Variants in CA5A observed in about 807,000 individuals in gnomAD.
CA5A encodes the protein carbonic anhydrase 5A, mitochondrial.
In CA5A, 28 loss-of-function variants were observed where a neutral mutation model predicts 37.1. The ratio of observed to expected loss-of-function variants is 0.75; its 90% CI spans 0.56 to 1.03. The LOEUF is 1.03. CA5A is among the 50% of genes least tolerant of loss of function. The pLI is 0.00. For synonymous variants in CA5A, 171 were observed against 158.4 expected (o/e 1.08, Z -0.60); for missense variants, 444 against 399.9 (o/e 1.11, Z -0.94).
chr16:87,887,815 C>T, downstream of CA5A: 1 of 243,276 alleles, frequency 4.1e-6, no homozygotes, highest in Admixed American at 5.0e-5. Flanking sequence ...TGTCGGGCTT[C>T]TGGCTCACTG....
intron 5 of CA5A, among the ~76,000 whole-genome samples, chr16:87,898,984 C>G (rs564056493): frequency 5.3e-5 from 8 of 152,084 alleles, no homozygotes; most frequent in Admixed American, 2.0e-4. Flanking sequence ...ATCTATTCAC[C>G]TCAGTCTCCC....
intron 2 of CA5A, chr16:87,924,035 C>T: frequency 1.0e-6 from 1 of 985,356 alleles, no homozygotes; most frequent in South Asian, 4.7e-5. Flanking sequence ...TGGAACAGAC[C>T]AACAAGGGGA....
At chr16:87,928,428 G>T (rs1021765329) in intron 1 of CA5A, among the ~76,000 whole-genome samples, 2 of 152,130 alleles carry the variant, frequency 1.3e-5, no homozygotes, top group African/African-American at 4.8e-5. Context: ...CCAAAGTGAG[G>T]CAGGCATCTC....
chr16:87,891,883 G>T lies in CA5A; in HGVS notation c.690C>A (p.Tyr230Ter). ...GCGGCGGGGTGGTGAGCGAGCCCGC[G>T]TAGGTCCAGTAATCCCAGCAGGTGG... ...LLPTCWDYWT[Y>*]AGSLTTPPLT... Residue 230 changes from tyrosine to a stop codon, truncating the protein, a stop_gained, in exon 6 of 7, where the codon TAC (tyrosine) becomes TAA (stop). Coordinates refer to ENST00000649794, the MANE Select transcript of CA5A (RefSeq NM_001739.2). LOFTEE classifies it high-confidence loss of function. 6.4e-7 allele frequency: 1 copy of T among 1,574,164 alleles called. No individual in the cohort carries two copies. Among genetic ancestry groups the T allele is most frequent in the Non-Finnish European group, 8.6e-7 (1 of 1,161,566 alleles).
chr16:87,924,136 T>C (rs1443180496), intron 2 of CA5A: 8 of 985,266 alleles, frequency 8.1e-6, no homozygotes, highest in Non-Finnish European at 9.6e-6. Context: ...CAAGATCTGG[T>C]TGTCCCACTT....
chr16:87,888,783 C>G (rs2055673484), intron 6 of CA5A, among the ~76,000 whole-genome samples: 2 of 152,222 alleles, frequency 1.3e-5, no homozygotes, highest in African/African-American at 4.8e-5. Context: ...CAGTGTTTCG[C>G]TCTTGTTTCC....
intron 5 of CA5A, among the ~76,000 whole-genome samples, chr16:87,900,027 G>A (rs994071561): frequency 6.0e-5 from 9 of 151,064 alleles, no homozygotes; most frequent in Admixed American, 6.6e-5. Context: ...AGTCCGCGGT[G>A]GCACTTCCTC....
intron 3 of CA5A, among the ~76,000 whole-genome samples, chr16:87,903,662 C>A (rs1446561140): frequency 6.6e-6 from 1 of 152,136 alleles, no homozygotes; most frequent in East Asian, 1.9e-4. Flanking sequence ...AGATTACAAG[C>A]AATTTTCATT....
chr16:87,935,413 G>A (rs193240949), intron 1 of CA5A, among the ~76,000 whole-genome samples: 48 of 152,306 alleles, frequency 3.2e-4, no homozygotes, highest in Admixed American at 1.2e-3. Context: ...GAAGAGTTTA[G>A]GAGCGATCGT....
chr16:87,921,598 G>C (rs1418705017), intron 2 of CA5A, among the ~76,000 whole-genome samples: 1 of 152,192 alleles, frequency 6.6e-6, no homozygotes, highest in African/African-American at 2.4e-5. Context: ...GCCACGCCCA[G>C]GTCCCCACCC....
chr16:87,888,348 A>G, intron 6 of CA5A, 76 bp from the exon 7 acceptor site: 1 of 1,321,348 alleles, frequency 7.6e-7, no homozygotes, highest in Non-Finnish European at 1.1e-6. Flanking sequence ...CTCAGGCCTT[A>G]TGTGGTCCCC....
chr16:87,904,823 G>C lies in CA5A; in HGVS notation c.422C>G (p.Ser141Ter). ...FHWGAVNEGGSEHTVDGHAYP... is the reference protein window; with the variant it reads ...FHWGAVNEGG ...CGCGTGGCCGTCCACTGTGTGCTCT[G>C]AGCCCCCCTCGTTCACTGCTCCCCA... Residue 141 changes from serine to a stop codon, truncating the protein, a stop_gained, in exon 3 of 7, where the codon TCA becomes TGA. Transcript: ENST00000649794. LOFTEE classifies it high-confidence loss of function. 6.2e-7 allele frequency: 1 copy of C among 1,613,026 alleles called. No individual in the cohort carries two copies. The highest frequency in any genetic ancestry group is 8.5e-7 in the Non-Finnish European group (1 of 1,179,054).
Position 87,911,589 on chromosome 16 carries a change from G to C in CA5A, c.341-6685C>G, listed in dbSNP as rs559752853. On this transcript the variant is annotated intron_variant, in intron 2 of 6. Coordinates refer to ENST00000649794, the MANE Select transcript of CA5A (RefSeq NM_001739.2). The surrounding 1 kb of genome is among the most constrained non-coding windows in gnomAD (Gnocchi z 4.6). ...GGTGCCACTCTGGGAGGTAGTGCAC[G>C]TTCCCAAGCTGTAAAGGGTGACACG... Among the ~76,000 whole-genome samples the C allele has an allele frequency of 6.6e-6, 1 of 150,676 alleles. No homozygotes were observed. Among genetic ancestry groups the C allele is most frequent in the South Asian group, 2.2e-4 (1 of 4,650 alleles).
intron 3 of CA5A, among the ~76,000 whole-genome samples, chr16:87,903,937 T>A (rs2055918477): frequency 6.6e-6 from 1 of 152,190 alleles, no homozygotes; most frequent in Non-Finnish European, 1.5e-5. Flanking sequence ...GGGAAATCTA[T>A]AAGGCATCAC....
rs72055887 is a variant in CA5A, at chr16:87,916,182, C to CAAA, written c.340+10563_340+10565dup. On this transcript the variant is annotated intron_variant, in intron 2 of 6. Coordinates refer to ENST00000649794, the MANE Select transcript of CA5A (RefSeq NM_001739.2). ...GACTCCGTCTCAAAAAAAAAAAAAACAAAAAACCATCGGATTGGCTGAGTG... is the reference window on the plus strand; with the variant it reads ...GACTCCGTCTCAAAAAAAAAAAAAACAAAAAAAAACCATCGGATTGGCTGAGTG... Among the ~76,000 whole-genome samples, 214 of 144,032 alleles carry CAAA rather than the reference C, an allele frequency of 1.5e-3. 3 individuals carry two copies. Among genetic ancestry groups the CAAA allele is most frequent in the Middle Eastern group, 7.1e-3 (2 of 280 alleles). 94.5% of individuals were successfully genotyped at this position (144,032 alleles called of 152,430 possible).
Position 87,935,482 on chromosome 16 carries a change from C to T in CA5A, c.142+827G>A, listed in dbSNP as rs940967241. On this transcript the variant is annotated intron_variant, in intron 1 of 6. Transcript: ENST00000649794. ...GATGGTGAGTCGTGCCAGTGTGTCC[C>T]GTGCGAACACGGACTACCCGCCTGC... is the stretch of plus-strand genomic sequence containing the variant. Among the ~76,000 whole-genome samples the T allele has an allele frequency of 2.6e-5, 4 of 152,318 alleles. 1 individual carries two copies. The highest frequency in any genetic ancestry group is 1.9e-4 in the East Asian group (1 of 5,184).
intron 1 of CA5A, among the ~76,000 whole-genome samples, chr16:87,933,088 C>T (rs760258548): frequency 3.9e-5 from 6 of 152,246 alleles, no homozygotes; most frequent in African/African-American, 9.6e-5. Context: ...AGCCCAACCA[C>T]GGTCAGCCCG....
chr16:87,930,096 C>G (rs561839205), intron 1 of CA5A, among the ~76,000 whole-genome samples: 24 of 152,170 alleles, frequency 1.6e-4, no homozygotes, highest in Non-Finnish European at 1.2e-4. Flanking sequence ...TTTTCTCTCC[C>G]CCATCAACGT....
intron 2 of CA5A, chr16:87,925,642 CA>C (rs2056295187): frequency 6.6e-6 from 1 of 152,200 alleles, no homozygotes; most frequent in Non-Finnish European, 1.5e-5. Context: ...AAAATGCAAA[CA>C]TAATAGGCAT....
Sources: gnomAD v4.1 joint callset for allele counts (sites outside exome capture counted in the v4.1 genomes callset) on GRCh38, gnomAD v4.1.1 for gene constraint, Gnocchi (gnomAD v3.1) non-coding constraint, MANE v1.5 for transcripts, NCBI Gene and HGNC (gene_info 2026-07-23, HGNC 2026-07-21) for gene names.